Variants in TMCC1 observed in about 807,000 individuals in gnomAD.
TMCC1 encodes the protein transmembrane and coiled-coil domain family 1.
Under a neutral mutation model 52.4 loss-of-function variants are expected in TMCC1, and 15 were observed. The observed-to-expected ratio is 0.29, with a 90% CI of 0.19 to 0.44. The LOEUF (loss-of-function observed/expected upper bound fraction) is 0.44. TMCC1 is among the 20% of genes least tolerant of loss of function. The pLI is 1.00. For synonymous variants in TMCC1, 279 were observed against 301.9 expected (o/e 0.92, Z 0.79); for missense variants, 503 against 806.0 (o/e 0.62, Z 4.55).
At chr3:129,803,715 T>G (rs1471338159) in intron 4 of TMCC1, among the ~76,000 whole-genome samples, 1 of 152,144 alleles carries the variant, frequency 6.6e-6, no homozygotes, top group Non-Finnish European at 1.5e-5. Flanking sequence ...CACAAAAGGC[T>G]TACTGCCAAG....
At chr3:129,853,078 T>G (rs1266093181) in intron 2 of TMCC1, among the ~76,000 whole-genome samples, 1 of 152,146 alleles carries the variant, frequency 6.6e-6, no homozygotes, top group Non-Finnish European at 1.5e-5. Context: ...CAATCATTCA[T>G]GAAGTATTTT....
chr3:129,671,462 T>C (rs1051255553), intron 4 of TMCC1, among the ~76,000 whole-genome samples, 198 bp from the exon 5 acceptor site: 1 of 152,130 alleles, frequency 6.6e-6, no homozygotes, highest in African/African-American at 2.4e-5. Flanking sequence ...GCAAAACAGA[T>C]ATATGAAAAA....
chr3:129,748,137 T>C (rs1345279336), intron 4 of TMCC1, among the ~76,000 whole-genome samples: 1 of 152,200 alleles, frequency 6.6e-6, no homozygotes, highest in African/African-American at 2.4e-5. Flanking sequence ...CTATAGAGAC[T>C]CAGTATTCTG....
chr3:129,717,802 A>G (rs958653051), intron 4 of TMCC1, among the ~76,000 whole-genome samples: 1 of 152,188 alleles, frequency 6.6e-6, no homozygotes, highest in African/African-American at 2.4e-5. Context: ...TGAGTTACTA[A>G]AATGATTTCC....
intron 4 of TMCC1, among the ~76,000 whole-genome samples, chr3:129,722,319 C>T (rs565582224): frequency 1.3e-5 from 2 of 152,218 alleles, no homozygotes; most frequent in South Asian, 4.1e-4. Flanking sequence ...AGGTTGCATG[C>T]TCCTTATGAT....
At chr3:129,786,927 C>T (rs908868858) in intron 4 of TMCC1, among the ~76,000 whole-genome samples, 7 of 152,166 alleles carry the variant, frequency 4.6e-5, no homozygotes, top group East Asian at 1.9e-4. Flanking sequence ...ATTCTCAAAT[C>T]GGAATTATCC....
At chr3:129,851,246 C>G (rs757778136) in intron 2 of TMCC1, among the ~76,000 whole-genome samples, 8 of 152,332 alleles carry the variant, frequency 5.3e-5, no homozygotes, top group Admixed American at 5.2e-4. Flanking sequence ...TGAATATGCA[C>G]ACCCTACAGG....
chr3:129,798,524 C>CAAA (rs796919072), intron 4 of TMCC1, among the ~76,000 whole-genome samples: 263 of 67,694 alleles, frequency 3.9e-3, no homozygotes, highest in African/African-American at 0.011. Flanking sequence ...TCTTCCTATC[C>CAAA]AAAAAAAAAA....
rs1273775975 is a variant in TMCC1 at position 129,827,857 on chromosome 3, A to AGCC, written c.521_522insGGC (p.Ala181dup). On this transcript the variant is annotated inframe_insertion, in exon 4 of 7. Coordinates refer to ENST00000393238, the MANE Select transcript of TMCC1 (RefSeq NM_001017395.5). ...GACATGCAGCAGCAGCAGCAGCAGC[A>AGCC]GCACAAGCTATTTCCATCATAGCAG... 3 of 1,614,094 alleles carry AGCC rather than the reference A, an allele frequency of 1.9e-6. No individual in the cohort carries two copies. Among genetic ancestry groups the AGCC allele is most frequent in the Admixed American group, 1.7e-5 (1 of 60,014 alleles).
intron 4 of TMCC1, among the ~76,000 whole-genome samples, chr3:129,783,938 C>T (rs911371875): frequency 7.5e-4 from 114 of 152,304 alleles, no homozygotes; most frequent in Non-Finnish European, 1.2e-3. Flanking sequence ...AGAATATTGG[C>T]AGAGACTACA....
chr3:129,655,425 T>C (rs1215961805), intron 5 of TMCC1, among the ~76,000 whole-genome samples: 1 of 152,072 alleles, frequency 6.6e-6, no homozygotes, highest in South Asian at 2.1e-4. Flanking sequence ...GAACAACATA[T>C]GGGAGAGGCA....
chr3:129,750,619 G>C (rs1263770080), intron 4 of TMCC1, among the ~76,000 whole-genome samples: 3 of 129,168 alleles, frequency 2.3e-5, no homozygotes, highest in Non-Finnish European at 4.7e-5. Flanking sequence ...CTGTCACCCA[G>C]GTTGGAGTGC....
intron 4 of TMCC1, among the ~76,000 whole-genome samples, chr3:129,724,736 A>G (rs2049939367): frequency 6.6e-6 from 1 of 152,224 alleles, no homozygotes; most frequent in Non-Finnish European, 1.5e-5. Flanking sequence ...GGCAATGCAG[A>G]CATTCCTTTA....
At chr3:129,673,829 GA>G (rs58816036) in intron 4 of TMCC1, among the ~76,000 whole-genome samples, 92,743 of 146,936 alleles carry the variant, frequency 0.63, 33,371 homozygotes, top group Non-Finnish European at 0.82. Flanking sequence ...TCTCTAAAAT[GA>G]AAAAAAAAAA....
chr3:129,767,519 C>A (rs2054229781), intron 4 of TMCC1, among the ~76,000 whole-genome samples: 1 of 152,076 alleles, frequency 6.6e-6, no homozygotes, highest in Admixed American at 6.6e-5. Flanking sequence ...ACTACAGGTG[C>A]ACATCACCAC....
chr3:129,719,150 G>A (rs1249738399), intron 4 of TMCC1, among the ~76,000 whole-genome samples: 2 of 152,178 alleles, frequency 1.3e-5, no homozygotes, highest in Non-Finnish European at 2.9e-5. Flanking sequence ...TGGCATTTCA[G>A]CCCCACCCCC....
chr3:129,883,606 G>A (rs761009545), intron 1 of TMCC1, among the ~76,000 whole-genome samples: 1 of 152,166 alleles, frequency 6.6e-6, no homozygotes. Flanking sequence ...AGAGCGAGAC[G>A]CTGTCTCAAA....
intron 4 of TMCC1, among the ~76,000 whole-genome samples, chr3:129,798,891 T>C (rs2057016376): frequency 6.6e-6 from 1 of 152,240 alleles, no homozygotes. Context: ...TTTAGGGTTT[T>C]CTGTGGCATT....
At chr3:129,756,142 T>A (rs1015780260) in intron 4 of TMCC1, among the ~76,000 whole-genome samples, 2 of 151,158 alleles carry the variant, frequency 1.3e-5, no homozygotes, top group African/African-American at 4.9e-5. Flanking sequence ...AAAAAGAAAC[T>A]GACATACTGT....
Sources: allele counts gnomAD v4.1 joint callset (sites outside exome capture counted in the v4.1 genomes callset), GRCh38; gene constraint gnomAD v4.1.1; transcripts MANE v1.5; gene names NCBI Gene and HGNC (gene_info 2026-07-23, HGNC 2026-07-21).